The following FHIT variants were observed in gnomAD, a reference collection of about 807,000 sequenced individuals.
FHIT encodes the protein fragile histidine triad diadenosine triphosphatase.
In FHIT, 19 loss-of-function variants were observed where a neutral mutation model predicts 17.9. The ratio of observed to expected loss-of-function variants is 1.06; its 90% confidence interval spans 0.74 to 1.56. The LOEUF (loss-of-function observed/expected upper bound fraction) is 1.56. FHIT is among the 40% of genes most tolerant of loss of function. The pLI is 0.00. For missense variants in FHIT, 248 were observed against 189.2 expected, an observed-to-expected ratio of 1.31 and a Z score of -1.82; for synonymous variants, 81 against 69.7, an observed-to-expected ratio of 1.16 and a Z score of -0.81.
chr3:59,869,851 T>C (rs992608590), intron 8 of FHIT, among the ~76,000 whole-genome samples: 5 of 152,070 alleles, frequency 3.3e-5, no homozygotes, highest in African/African-American at 7.2e-5. Context: ...CCACTGTAAT[T>C]CCAGGGAAAT....
intron 3 of FHIT, among the ~76,000 whole-genome samples, chr3:60,857,800 T>C (rs1703449239): frequency 6.6e-6 from 1 of 152,106 alleles, no homozygotes; most frequent in African/African-American, 2.4e-5. Flanking sequence ...TGGTGATGTA[T>C]GCCTGTAGTT....
intron 3 of FHIT, among the ~76,000 whole-genome samples, chr3:60,823,362 G>A (rs1049671259): frequency 6.6e-6 from 1 of 152,128 alleles, no homozygotes; most frequent in Non-Finnish European, 1.5e-5. Context: ...CTTAGAATGT[G>A]ACCTTATTTG....
rs1700785922 is a variant in FHIT at position 59,749,783 on chromosome 3, G to A, written c.*6-204C>T. 1.3e-5 allele frequency: 3 copies of A among 227,030 alleles called. No individual in the cohort carries two copies. In the East Asian group the frequency reaches 1.9e-4, roughly 14 times the overall value. The allele number at this position is 227,030 out of a possible 1,614,324, so 14.1% of individuals were successfully genotyped here. Reference sequence around the variant, plus strand: ...CCAGCATCTAATTCTTGTTAACCCTGTGAGGATGGTTTCAATAGAATGTTT... The same window carrying A: ...CCAGCATCTAATTCTTGTTAACCCTATGAGGATGGTTTCAATAGAATGTTT... On this transcript the variant is annotated intron_variant, in intron 9 of 9. Transcript: ENST00000492590.
At chr3:60,311,771 A>G (rs1708958514) in intron 5 of FHIT, among the ~76,000 whole-genome samples, 1 of 152,194 alleles carries the variant, frequency 6.6e-6, no homozygotes, top group East Asian at 1.9e-4. Context: ...ATAAAATGAC[A>G]CATACAACAA....
intron 5 of FHIT, among the ~76,000 whole-genome samples, chr3:60,087,714 G>A (rs1389660627): frequency 6.6e-6 from 1 of 152,146 alleles, no homozygotes; most frequent in Admixed American, 6.5e-5. Context: ...TTCCCAGTAA[G>A]TTTTTCATTT....
chr3:60,897,261 T>C (rs1217414491), intron 3 of FHIT, among the ~76,000 whole-genome samples: 1 of 152,220 alleles, frequency 6.6e-6, no homozygotes, highest in Non-Finnish European at 1.5e-5. Flanking sequence ...TATTTTCATA[T>C]ACTTAAGGAC....
At chr3:59,799,552 C>T (rs907612083) in intron 8 of FHIT, among the ~76,000 whole-genome samples, 2 of 152,038 alleles carry the variant, frequency 1.3e-5, no homozygotes, top group East Asian at 3.9e-4. Flanking sequence ...GGCACCTGTG[C>T]CTTGAAGTAA....
intron 8 of FHIT, among the ~76,000 whole-genome samples, chr3:59,793,219 TC>T: frequency 6.6e-6 from 1 of 152,274 alleles, no homozygotes; most frequent in Non-Finnish European, 1.5e-5. Flanking sequence ...GTCTGAGGAC[TC>T]CAGGTAAGAA....
At chr3:60,483,541 C>T (rs149481930) in intron 5 of FHIT, among the ~76,000 whole-genome samples, 17 of 152,226 alleles carry the variant, frequency 1.1e-4, no homozygotes, top group East Asian at 7.7e-4. Flanking sequence ...ACTCAATAAA[C>T]GTAATCTATC....
At chr3:60,076,390 A>T (rs190792516) in intron 5 of FHIT, among the ~76,000 whole-genome samples, 52 of 152,244 alleles carry the variant, frequency 3.4e-4, no homozygotes, top group African/African-American at 1.1e-3. Context: ...CTCTTTAAAT[A>T]GCCAACTTAT....
At chr3:61,214,204 T>A (rs200353462) in intron 1 of FHIT, among the ~76,000 whole-genome samples, 1 of 150,374 alleles carries the variant, frequency 6.7e-6, no homozygotes, top group Non-Finnish European at 1.5e-5. Flanking sequence ...TTCAAAAAAT[T>A]AATGAATCCA....
At chr3:59,879,292 G>A (rs1358144799) in intron 8 of FHIT, among the ~76,000 whole-genome samples, 3 of 152,128 alleles carry the variant, frequency 2.0e-5, no homozygotes, top group South Asian at 2.1e-4. Context: ...CAGTGAGATG[G>A]ATCTCTGACT....
chr3:60,375,131 A>C (rs953064265), intron 5 of FHIT, among the ~76,000 whole-genome samples: 5 of 149,254 alleles, frequency 3.3e-5, no homozygotes, highest in Non-Finnish European at 7.5e-5. Flanking sequence ...AACAAAAAAC[A>C]AAAAAAACAC....
intron 5 of FHIT, among the ~76,000 whole-genome samples, chr3:60,355,409 CATT>C (rs150733920): frequency 0.012 from 1,865 of 151,718 alleles, 37 homozygotes; most frequent in African/African-American, 0.042. Flanking sequence ...ATTTAGTTGT[CATT>C]ATGAACTTTT....
intron 4 of FHIT, among the ~76,000 whole-genome samples, chr3:60,751,336 C>T (rs1553716780): frequency 6.6e-6 from 1 of 152,200 alleles, no homozygotes. Context: ...AATTATTTTT[C>T]TCACTTTAAT....
chr3:60,977,200 A>T (rs953678401), intron 3 of FHIT, among the ~76,000 whole-genome samples: 22 of 152,176 alleles, frequency 1.4e-4, no homozygotes, highest in African/African-American at 5.1e-4. Context: ...AAAATTGTGT[A>T]AGCTAATTTT....
intron 7 of FHIT, among the ~76,000 whole-genome samples, chr3:59,989,748 T>C (rs1369219126): frequency 6.6e-6 from 1 of 151,986 alleles, no homozygotes; most frequent in East Asian, 1.9e-4. Flanking sequence ...CACCCTGACC[T>C]CCCTTCCCCT....
chr3:60,576,045 A>C (rs1396081570), intron 4 of FHIT, among the ~76,000 whole-genome samples: 1 of 152,126 alleles, frequency 6.6e-6, no homozygotes, highest in Non-Finnish European at 1.5e-5. Context: ...CACACCCTGT[A>C]AACTTACACT....
intron 3 of FHIT, among the ~76,000 whole-genome samples, chr3:60,887,943 G>A (rs1575646368): frequency 6.6e-6 from 1 of 152,170 alleles, no homozygotes; most frequent in South Asian, 2.1e-4. Context: ...CGATATCTGA[G>A]CTAAAAGGAC....
Sources: allele counts gnomAD v4.1 joint callset (sites outside exome capture counted in the v4.1 genomes callset), GRCh38; gene constraint gnomAD v4.1.1; transcripts MANE v1.5; gene names NCBI Gene and HGNC (gene_info 2026-07-23, HGNC 2026-07-21).